The following RAP1A variants were observed in gnomAD, a reference collection of about 807,000 sequenced individuals.
RAP1A encodes the protein ras-related protein Rap-1A.
In RAP1A, 6 loss-of-function variants were observed where a neutral mutation model predicts 26.4. The ratio of observed to expected loss-of-function variants is 0.23; its 90% confidence interval spans 0.12 to 0.45. The LOEUF (loss-of-function observed/expected upper bound fraction) is 0.45, where lower values mean the gene tolerates loss of function less well. Among genes scored for constraint, RAP1A ranks in the 20% least tolerant of loss-of-function variants. The pLI, the probability that RAP1A is intolerant of heterozygous loss-of-function variation, is 0.99. For synonymous variants in RAP1A, 73 were observed against 79.4 expected, an observed-to-expected ratio of 0.92 and a Z score of 0.43; for missense variants, 121 against 217.2, an observed-to-expected ratio of 0.56 and a Z score of 2.78.
chr1:111,621,093 C>G (rs1659189277), intron 1 of RAP1A, among the ~76,000 whole-genome samples: 1 of 152,138 alleles, frequency 6.6e-6, no homozygotes, highest in Non-Finnish European at 1.5e-5. Flanking sequence ...CTACAGGTAG[C>G]CAGCCACTCT....
intron 1 of RAP1A, among the ~76,000 whole-genome samples, chr1:111,688,035 A>AG (rs1661542680): frequency 6.7e-6 from 1 of 149,358 alleles, no homozygotes; most frequent in South Asian, 2.1e-4. Context: ...TCAAAAAAAA[A>AG]AAAAAAAAAA....
upstream of RAP1A, among the ~76,000 whole-genome samples, chr1:111,618,997 G>C (rs545358774): frequency 6.6e-6 from 1 of 152,218 alleles, no homozygotes; most frequent in East Asian, 1.9e-4. Context: ...GTCATTCCTC[G>C]GCTCACCCTT....
chr1:111,548,155 G>A (rs1389202835), intron 1 of RAP1A, among the ~76,000 whole-genome samples: 1 of 152,174 alleles, frequency 6.6e-6, no homozygotes, highest in Non-Finnish European at 1.5e-5. Flanking sequence ...TGAGCAGCTG[G>A]AACTACAGGC....
chr1:111,563,355 G>A (rs1030332565), intron 1 of RAP1A, among the ~76,000 whole-genome samples: 8 of 152,170 alleles, frequency 5.3e-5, no homozygotes, highest in African/African-American at 1.9e-4. Context: ...CTGTCTATCT[G>A]GGGAGATAAG....
At chr1:111,602,326 A>C (rs2101073056) in intron 1 of RAP1A, 1 of 152,382 alleles carries the variant, frequency 6.6e-6, no homozygotes. Context: ...TTTTGGTCTC[A>C]TGGTTTCCTA....
chr1:111,709,286 A>G, intron 7 of RAP1A, 22 bp downstream of exon 7: 1 of 1,559,742 alleles, frequency 6.4e-7, no homozygotes, highest in Non-Finnish European at 8.6e-7. Flanking sequence ...AAAGCAGAAC[A>G]AGTGCCTTTC....
intron 1 of RAP1A, among the ~76,000 whole-genome samples, chr1:111,562,205 C>G (rs2789549): frequency 0.91 from 137,864 of 152,092 alleles, 62,558 homozygotes; most frequent in East Asian, 0.95. Flanking sequence ...TGTGAAATTT[C>G]TTCTGACCCC....
chr1:111,690,775 G>A (rs981237122), intron 1 of RAP1A, among the ~76,000 whole-genome samples: 2 of 152,098 alleles, frequency 1.3e-5, no homozygotes, highest in African/African-American at 2.4e-5. Context: ...GGGCCTTATG[G>A]CGTATATTGC....
chr1:111,697,506 G>T lies in RAP1A; in HGVS notation c.183+9G>T. 6.2e-7 allele frequency: 1 copy of T among 1,609,572 alleles called. No homozygotes were observed. Among genetic ancestry groups the T allele is most frequent in the South Asian group, 1.1e-5 (1 of 90,356 alleles). On this transcript the variant is annotated intron_variant, in intron 4 of 7. Coordinates refer to ENST00000369709, the MANE Select transcript of RAP1A (RefSeq NM_002884.4). ...TGGATACTGCAGGGACAGTAAGGAT[G>T]TTTTCTCTTTTTTTGATAGATTTTA...
chr1:111,659,306 T>C (rs1282750231), intron 1 of RAP1A, among the ~76,000 whole-genome samples: 1 of 152,212 alleles, frequency 6.6e-6, no homozygotes, highest in African/African-American at 2.4e-5. Context: ...AGAACAATTC[T>C]AACAATATAC....
chr1:111,569,671 T>C (rs1458542632), intron 1 of RAP1A, among the ~76,000 whole-genome samples: 1 of 151,978 alleles, frequency 6.6e-6, no homozygotes, highest in African/African-American at 2.4e-5. Context: ...CTCCAAAGAC[T>C]TCATGAATGT....
chr1:111,660,751 T>C (rs901005941), intron 1 of RAP1A, among the ~76,000 whole-genome samples: 4 of 152,224 alleles, frequency 2.6e-5, no homozygotes, highest in Admixed American at 2.0e-4. Flanking sequence ...TACCGTGGCC[T>C]AAAAGCCTGT....
chr1:111,648,174 AGTGTGTGTGT>A (rs143658994), intron 1 of RAP1A: 165 of 230,722 alleles, frequency 7.2e-4, no homozygotes, highest in South Asian at 1.0e-3. Flanking sequence ...AGGTTCAAAC[AGTGTGTGTGT>A]GTGTGTGTGT....
intron 1 of RAP1A, among the ~76,000 whole-genome samples, chr1:111,548,243 A>C (rs2800896): frequency 0.33 from 50,490 of 151,938 alleles, 9,117 homozygotes; most frequent in Admixed American, 0.46. Context: ...CTGGTCTCAA[A>C]CTCCTGGCCT....
chr1:111,697,417 T>C (rs779522099), intron 3 of RAP1A, 24 bp from the exon 4 acceptor site: 3 of 145,430 alleles, frequency 2.1e-5, no homozygotes, highest in South Asian at 1.4e-4. Flanking sequence ...CTCTTTAACC[T>C]TTTTTTTTTT....
Position 111,703,245 on chromosome 1 carries a change from G to A in RAP1A, c.184-91G>A, listed in dbSNP as rs141492765. 1.1e-3 allele frequency: 978 copies of A among 883,948 alleles called. 23 individuals are homozygous for A. In the Admixed American group the frequency reaches 0.034, roughly 31 times the overall value. 54.8% of individuals were successfully genotyped at this position (883,948 alleles called of 1,614,324 possible). A position where few individuals can be genotyped will look rare whatever the true frequency, so the allele number is the denominator to read the frequency against. ...GTCAGGATAGCAAGTAATAAAAAAT[G>A]TTACTCACTTGTAATTATGCTGTTT... On this transcript the variant is annotated intron_variant, in intron 4 of 7. Coordinates refer to ENST00000369709, the MANE Select transcript of RAP1A (RefSeq NM_002884.4).
chr1:111,603,170 A>C (rs891717077), intron 1 of RAP1A, among the ~76,000 whole-genome samples: 3 of 152,214 alleles, frequency 2.0e-5, no homozygotes, highest in African/African-American at 7.2e-5. Flanking sequence ...AGCTACTGAC[A>C]CATACAAGTG....
chr1:111,679,522 T>C lies in RAP1A; in HGVS notation c.-27-11812T>C, dbSNP rs72697815. Among the ~76,000 whole-genome samples, 99 of 151,776 alleles carry C rather than the reference T, an allele frequency of 6.5e-4. 1 individual carries two copies. The highest frequency in any genetic ancestry group is 1.3e-3 in the Admixed American group (20 of 15,240). On this transcript the variant is annotated intron_variant, in intron 1 of 7. Coordinates refer to ENST00000369709, the MANE Select transcript of RAP1A (RefSeq NM_002884.4). ...TTTTTCTTTTCTTTTCTTTTCTTTT[T>C]TTTTGTACCCAGTGGCACCTGGAAC...
chr1:111,585,913 C>A (rs1658357179), intron 1 of RAP1A, among the ~76,000 whole-genome samples: 4 of 152,160 alleles, frequency 2.6e-5, no homozygotes, highest in Admixed American at 2.6e-4. Flanking sequence ...TTAATCACAC[C>A]AGCCTCTCAT....
Sources: allele counts gnomAD v4.1 joint callset (sites outside exome capture counted in the v4.1 genomes callset), GRCh38; gene constraint gnomAD v4.1.1; transcripts MANE v1.5; gene names NCBI Gene and HGNC (gene_info 2026-07-23, HGNC 2026-07-21).